Variants in TXNDC11 observed in about 807,000 individuals in gnomAD.
TXNDC11 encodes the protein thioredoxin domain containing 11, also known as thioredoxin domain-containing protein 11.
Under a neutral mutation model 78.0 loss-of-function variants are expected in TXNDC11, and 68 were observed. The ratio of observed to expected loss-of-function variants is 0.87; its 90% CI spans 0.72 to 1.07. The LOEUF (loss-of-function observed/expected upper bound fraction) is 1.07. TXNDC11 is among the 50% of genes least tolerant of loss of function. The pLI, the probability that TXNDC11 is intolerant of heterozygous loss-of-function variation, is 0.00. For synonymous variants in TXNDC11, 571 were observed against 495.2 expected (o/e 1.15, Z -2.03); for missense variants, 1,389 against 1,221.8 (o/e 1.14, Z -2.04).
intron 5 of TXNDC11, among the ~76,000 whole-genome samples, chr16:11,702,696 T>C (rs904239267): frequency 6.6e-6 from 1 of 152,038 alleles, no homozygotes; most frequent in Non-Finnish European, 1.5e-5. Flanking sequence ...ATAAATAAAT[T>C]TTTTTTTAAA....
chr16:11,713,339 T>C (rs1427235409), intron 5 of TXNDC11, among the ~76,000 whole-genome samples: 1 of 151,224 alleles, frequency 6.6e-6, no homozygotes, highest in East Asian at 1.9e-4. Flanking sequence ...TCACAAAATA[T>C]ACAAGGATTC....
At chr16:11,734,947 A>C (rs2052177593) in intron 2 of TXNDC11, among the ~76,000 whole-genome samples, 1 of 152,188 alleles carries the variant, frequency 6.6e-6, no homozygotes, top group Non-Finnish European at 1.5e-5. Context: ...TGCTACACTC[A>C]AACCTGCTTT....
At position 11,738,266 on chromosome 16, in the gene TXNDC11, A is replaced by G. The variant is rs1380235926; in HGVS notation, c.255-2033T>C. Among the ~76,000 whole-genome samples, 8 of 152,336 alleles carry G rather than the reference A, an allele frequency of 5.3e-5. No homozygotes were observed. In the South Asian group the frequency reaches 1.7e-3, roughly 32 times the overall value. ...ATCCAACGGAGCAAGTCACCTATTT[A>G]TTCACTCAAACTAATATTTTAACCT... is the stretch of plus-strand genomic sequence containing the variant. On this transcript the variant is annotated intron_variant, in intron 1 of 11. Transcript: ENST00000283033.
chr16:11,742,829 C>A lies in TXNDC11; in HGVS notation c.-99G>T, dbSNP rs538080104. ...CCCCAATCCCGCAGCTCGCCGCACCCGCTAACCCGGACGCTCCACGTCAGC... is the reference window on the plus strand; with the variant it reads ...CCCCAATCCCGCAGCTCGCCGCACCAGCTAACCCGGACGCTCCACGTCAGC... On this transcript the variant is annotated 5_prime_UTR_variant, in exon 1 of 12. Coordinates refer to ENST00000283033, the MANE Select transcript of TXNDC11 (RefSeq NM_015914.7). The A allele has an allele frequency of 2.2e-5, 30 of 1,360,374 alleles. No individual in the cohort carries two copies. The highest frequency in any genetic ancestry group is 9.4e-7 in the Non-Finnish European group (1 of 1,061,712). The allele number at this position is 1,360,374 out of a possible 1,614,324, so 84.3% of individuals were successfully genotyped here.
At chr16:11,712,912 A>G (rs1317995069) in intron 5 of TXNDC11, among the ~76,000 whole-genome samples, 1 of 129,086 alleles carries the variant, frequency 7.7e-6, no homozygotes, top group Non-Finnish European at 1.8e-5. Flanking sequence ...ACATGGAGAA[A>G]CCCCATTTCC....
At chr16:11,740,029 C>G (rs369874009) in intron 1 of TXNDC11, among the ~76,000 whole-genome samples, 1 of 151,430 alleles carries the variant, frequency 6.6e-6, no homozygotes, top group Non-Finnish European at 1.5e-5. Context: ...CCCGTCTCTA[C>G]GAAAAATACA....
intron 7 of TXNDC11, chr16:11,692,365 G>T: frequency 2.9e-6 from 1 of 344,584 alleles, no homozygotes; most frequent in Middle Eastern, 7.8e-4. Flanking sequence ...AGCCAACGCA[G>T]TTATCAGATC....
Position 11,730,657 on chromosome 16 carries a change from G to A in TXNDC11, c.687C>T (p.Leu229=). 6.2e-7 allele frequency: 1 copy of A among 1,613,622 alleles called. No individual in the cohort carries two copies. Among genetic ancestry groups the A allele is most frequent in the East Asian group, 2.2e-5 (1 of 44,880 alleles). ...GAAAGACAAGTACCTCGTAGTTTGA[G>A]AGAAAATCTAGTAATTCTGATTGAG... ...IPSQSELLDF[L]SNYEPGVLGY... The change falls in exon 4 of 12, where the codon CTC becomes CTT. Residue 229 remains leucine (L), a synonymous_variant. Transcript: ENST00000283033.
intron 5 of TXNDC11, 125 bp from the exon 6 acceptor site, chr16:11,700,689 A>G (rs1280431994): frequency 1.4e-5 from 8 of 573,668 alleles, no homozygotes. Flanking sequence ...CCTAGCCTAG[A>G]GAGGGAAGGA....
At chr16:11,704,871 A>C (rs1010763301) in intron 5 of TXNDC11, among the ~76,000 whole-genome samples, 5 of 152,058 alleles carry the variant, frequency 3.3e-5, no homozygotes, top group Admixed American at 2.0e-4. Flanking sequence ...TGAGGTCTGC[A>C]GTTTAGTGAA....
At chr16:11,734,583 C>T (rs2052165681) in intron 2 of TXNDC11, among the ~76,000 whole-genome samples, 1 of 152,186 alleles carries the variant, frequency 6.6e-6, no homozygotes, top group Non-Finnish European at 1.5e-5. Flanking sequence ...GGGCCTGGCA[C>T]ACCAGAATAT....
intron 2 of TXNDC11, 43 bp from the exon 3 acceptor site, chr16:11,734,122 C>A: frequency 8.1e-7 from 1 of 1,238,982 alleles, no homozygotes; most frequent in East Asian, 2.4e-5. Flanking sequence ...TGAATAACAA[C>A]TGAAAAGTTA....
At chr16:11,684,069 G>T in intron 11 of TXNDC11, 96 bp downstream of exon 11, 2 of 877,014 alleles carry the variant, frequency 2.3e-6, no homozygotes, top group Non-Finnish European at 3.7e-6. Flanking sequence ...AACATTTTTT[G>T]AACATAATGA....
At position 11,692,163 on chromosome 16, in the gene TXNDC11, T is replaced by C. The variant is rs1597417945; in HGVS notation, c.1108-81A>G. ...CCCGTTAGCCACGTTTCACTTTCTG[T>C]AATTTCAGTTATCCATGGTCAACTC... On this transcript the variant is annotated intron_variant, in intron 7 of 11. Transcript: ENST00000283033. 5.4e-6 allele frequency: 6 copies of C among 1,113,118 alleles called. No individual in the cohort carries two copies. The East Asian group carries it at 1.5e-4, about 28-fold the overall frequency. 69.0% of individuals were successfully genotyped at this position (1,113,118 alleles called of 1,614,324 possible). A position where few individuals can be genotyped will look rare whatever the true frequency, so the allele number is the denominator to read the frequency against.
chr16:11,713,870 AC>A (rs2051442429), intron 5 of TXNDC11, among the ~76,000 whole-genome samples: 1 of 152,066 alleles, frequency 6.6e-6, no homozygotes, highest in Admixed American at 6.6e-5. Flanking sequence ...CGATCCTAGA[AC>A]CCATGCCATT....
At chr16:11,680,456 C>T (rs902503126) in intron 11 of TXNDC11, among the ~76,000 whole-genome samples, 1 of 152,150 alleles carries the variant, frequency 6.6e-6, no homozygotes, top group Non-Finnish European at 1.5e-5. Context: ...TTCAGGCTGC[C>T]CAGCCCTGAG....
chr16:11,688,895 A>G (rs1567296186), intron 8 of TXNDC11, among the ~76,000 whole-genome samples: 1 of 152,182 alleles, frequency 6.6e-6, no homozygotes, highest in Admixed American at 6.5e-5. Flanking sequence ...ACAAGGAGCT[A>G]CAGTTTTTTG....
intron 10 of TXNDC11, among the ~76,000 whole-genome samples, chr16:11,686,918 T>C (rs6498239): frequency 0.53 from 81,317 of 152,070 alleles, 22,172 homozygotes; most frequent in Middle Eastern, 0.62. Flanking sequence ...TCAACACAAA[T>C]AGCACTTTCT....
intron 1 of TXNDC11, among the ~76,000 whole-genome samples, chr16:11,741,601 C>T (rs2052396153): frequency 6.6e-6 from 1 of 152,138 alleles, no homozygotes; most frequent in Non-Finnish European, 1.5e-5. Context: ...GAAGTCTTTC[C>T]CCACCGCCAT....
Sources: gnomAD v4.1 joint callset for allele counts (sites outside exome capture counted in the v4.1 genomes callset) on GRCh38, gnomAD v4.1.1 for gene constraint, MANE v1.5 for transcripts, NCBI Gene and HGNC (gene_info 2026-07-23, HGNC 2026-07-21) for gene names.